The following AGBL1 variants were observed in gnomAD, a reference collection of about 807,000 sequenced individuals.
AGBL1 encodes the protein cytosolic carboxypeptidase 4.
A neutral mutation model predicts 118.9 loss-of-function variants in AGBL1; 130 were observed. That is an observed-to-expected ratio of 1.09 (90% confidence interval 0.95 to 1.26). AGBL1 has a LOEUF of 1.26. AGBL1 is among the 50% of genes most tolerant of loss of function. The pLI is 0.00. For missense variants in AGBL1, 1,584 were observed against 1,298.1 expected (o/e 1.22, Z -3.38); for synonymous variants, 555 against 478.9 (o/e 1.16, Z -2.08).
intron 24 of AGBL1, among the ~76,000 whole-genome samples, chr15:86,995,283 G>A (rs2081369739): frequency 6.6e-6 from 1 of 152,084 alleles, no homozygotes; most frequent in South Asian, 2.1e-4. Context: ...ACTATCAGGA[G>A]GCTGAGGTGG....
intron 18 of AGBL1, 147 bp from the exon 19 acceptor site, chr15:86,522,663 C>T: frequency 9.9e-7 from 1 of 1,007,540 alleles, no homozygotes. Flanking sequence ...CTACAGCTTT[C>T]TAGACATCTG....
intron 21 of AGBL1, among the ~76,000 whole-genome samples, chr15:86,584,856 T>C (rs1413441443): frequency 6.6e-6 from 1 of 152,200 alleles, no homozygotes; most frequent in Non-Finnish European, 1.5e-5. Flanking sequence ...CTGTGATTTC[T>C]TTCAGCAGTG....
intron 22 of AGBL1, among the ~76,000 whole-genome samples, chr15:86,699,404 T>G (rs2086318157): frequency 6.6e-6 from 1 of 152,102 alleles, no homozygotes; most frequent in Non-Finnish European, 1.5e-5. Context: ...TGAAAATGTT[T>G]AGTTGTTCCA....
At chr15:86,180,043 G>T (rs1345008533) in intron 5 of AGBL1, among the ~76,000 whole-genome samples, 2 of 137,696 alleles carry the variant, frequency 1.5e-5, no homozygotes, top group South Asian at 2.2e-4. Flanking sequence ...TGAAACAAAT[G>T]AAAGAAGACA....
chr15:86,716,884 C>A (rs1805812627), intron 22 of AGBL1, among the ~76,000 whole-genome samples: 1 of 152,190 alleles, frequency 6.6e-6, no homozygotes, highest in South Asian at 2.1e-4. Context: ...CCTACTGGAA[C>A]CCTTGTCCGG....
intron 22 of AGBL1, among the ~76,000 whole-genome samples, chr15:86,801,246 T>C (rs933987403): frequency 1.3e-5 from 2 of 152,048 alleles, no homozygotes; most frequent in Non-Finnish European, 1.5e-5. Context: ...TCTTGGCAAA[T>C]GTTGGGGAGA....
chr15:86,850,277 C>T (rs1264890678), intron 22 of AGBL1, among the ~76,000 whole-genome samples: 1 of 146,730 alleles, frequency 6.8e-6, no homozygotes, highest in Non-Finnish European at 1.5e-5. Flanking sequence ...TTATTCATTT[C>T]TTCATCCATT....
chr15:86,833,759 GC>G lies in AGBL1; in HGVS notation c.3159-73325del, dbSNP rs201453306. 1.0e-3 allele frequency among the ~76,000 whole-genome samples: 155 copies of G among 152,184 alleles called. 1 individual carries two copies. In the East Asian group the frequency reaches 0.028, roughly 27 times the overall value. On this transcript the variant is annotated intron_variant, in intron 22 of 22. Coordinates refer to ENST00000614907, the MANE Select transcript of AGBL1 (RefSeq NM_001386094.1). ...CACTATTTTCTTTGATTGAGAACAT[GC>G]CCAGAATCAACAAGAGTACATAGTG...
Position 86,785,500 on chromosome 15 carries a change from A to G in AGBL1, c.3158+111064A>G, listed in dbSNP as rs2078398347. ...AGCGATCCTCCTGCCTCAGCCTCCCAAGTAGCTAGGACTACAGGCGCACAT... is the reference window on the plus strand; with the variant it reads ...AGCGATCCTCCTGCCTCAGCCTCCCGAGTAGCTAGGACTACAGGCGCACAT... On this transcript the variant is annotated intron_variant, in intron 22 of 22. Transcript: ENST00000614907. Among the ~76,000 whole-genome samples, 6 of 151,234 alleles carry G rather than the reference A, an allele frequency of 4.0e-5. No individual in the cohort carries two copies. In the Admixed American group the frequency reaches 4.0e-4, roughly 10 times the overall value.
intron 3 of AGBL1, among the ~76,000 whole-genome samples, chr15:86,147,453 A>C (rs2077047920): frequency 6.6e-6 from 1 of 152,198 alleles, no homozygotes; most frequent in Non-Finnish European, 1.5e-5. Context: ...AGACAATGTA[A>C]TTCTCTCCTG....
At chr15:86,447,582 C>G (rs2082137606) in intron 18 of AGBL1, among the ~76,000 whole-genome samples, 1 of 152,044 alleles carries the variant, frequency 6.6e-6, no homozygotes, top group Non-Finnish European at 1.5e-5. Context: ...TTAAATCACT[C>G]AAAACCAAAA....
At chr15:86,643,564 G>C (rs2085226644) in intron 21 of AGBL1, among the ~76,000 whole-genome samples, 1 of 151,930 alleles carries the variant, frequency 6.6e-6, no homozygotes, top group South Asian at 2.1e-4. Context: ...TATAGGACTT[G>C]TTTAATTTTG....
At chr15:86,729,441 T>C (rs1182093033) in intron 22 of AGBL1, among the ~76,000 whole-genome samples, 4 of 152,134 alleles carry the variant, frequency 2.6e-5, no homozygotes, top group Non-Finnish European at 4.4e-5. Flanking sequence ...TTTCCCCACT[T>C]TAGTAGTCCC....
intron 16 of AGBL1, among the ~76,000 whole-genome samples, chr15:86,293,395 T>A (rs1309641013): frequency 6.6e-6 from 1 of 152,190 alleles, no homozygotes; most frequent in East Asian, 1.9e-4. Flanking sequence ...AGAGGCCACC[T>A]GCATTCCTTG....
chr15:86,349,441 G>A (rs972184169), intron 17 of AGBL1, among the ~76,000 whole-genome samples: 2 of 152,090 alleles, frequency 1.3e-5, no homozygotes, highest in Non-Finnish European at 2.9e-5. Context: ...TATGCTTTGA[G>A]GTGTTTCTAT....
chr15:86,266,522 G>T (rs2142040694), intron 12 of AGBL1, 65 bp downstream of exon 12: 1 of 1,161,508 alleles, frequency 8.6e-7, no homozygotes, highest in South Asian at 1.5e-5. Context: ...CATGAGAATA[G>T]ACATGTTTCC....
chr15:86,560,842 T>G (rs1056142105), intron 21 of AGBL1, among the ~76,000 whole-genome samples: 7 of 152,364 alleles, frequency 4.6e-5, no homozygotes, highest in Middle Eastern at 3.4e-3. Context: ...CTAACTGGTG[T>G]GAGATGGTAT....
chr15:86,345,673 G>A (rs748528548), intron 17 of AGBL1, among the ~76,000 whole-genome samples: 1 of 152,014 alleles, frequency 6.6e-6, no homozygotes, highest in Non-Finnish European at 1.5e-5. Context: ...GAAGATGTTG[G>A]GCCATTTTTC....
intron 1 of AGBL1, among the ~76,000 whole-genome samples, chr15:86,086,577 G>A (rs1895670379): frequency 6.6e-6 from 1 of 152,168 alleles, no homozygotes; most frequent in Non-Finnish European, 1.5e-5. Flanking sequence ...GAATGGCAAA[G>A]CGTATGTGCT....
Sources: allele counts gnomAD v4.1 joint callset (sites outside exome capture counted in the v4.1 genomes callset), GRCh38; gene constraint gnomAD v4.1.1; transcripts MANE v1.5; gene names NCBI Gene and HGNC (gene_info 2026-07-23, HGNC 2026-07-21).